The following HECW1 variants were observed in gnomAD, a reference collection of about 807,000 sequenced individuals.
The protein encoded by HECW1 is HECT, C2 and WW domain containing E3 ubiquitin protein ligase 1.
In HECW1, 61 loss-of-function variants were observed where a neutral mutation model predicts 182.3. The ratio of observed to expected loss-of-function variants is 0.33; its 90% CI spans 0.27 to 0.41. The LOEUF is 0.41. Among genes scored for constraint, HECW1 ranks in the 10% least tolerant of loss-of-function variants. The pLI, the probability that HECW1 is intolerant of heterozygous loss-of-function variation, is 1.00. For missense variants in HECW1, 1,739 were observed against 2,108.9 expected (o/e 0.82, Z 3.44); for synonymous variants, 859 against 832.6 (o/e 1.03, Z -0.55).
chr7:43,306,412 G>A (rs527711254), intron 3 of HECW1, among the ~76,000 whole-genome samples: 1 of 151,124 alleles, frequency 6.6e-6, no homozygotes, highest in East Asian at 1.9e-4. Flanking sequence ...TACCCACCTG[G>A]TGGCGTAACA....
chr7:43,540,790 C>T (rs980529722), intron 24 of HECW1, among the ~76,000 whole-genome samples: 5 of 152,194 alleles, frequency 3.3e-5, no homozygotes, highest in African/African-American at 1.2e-4. Context: ...CCAGAAAGCC[C>T]TCTGTGTCAC....
At chr7:43,548,022 A>G (rs1176171646) in intron 26 of HECW1, among the ~76,000 whole-genome samples, 1 of 152,272 alleles carries the variant, frequency 6.6e-6, no homozygotes, top group Non-Finnish European at 1.5e-5. Flanking sequence ...ATAGTACAGT[A>G]TGTACTACAG....
intron 13 of HECW1, among the ~76,000 whole-genome samples, chr7:43,457,381 A>G (rs773790550): frequency 6.6e-6 from 1 of 152,236 alleles, no homozygotes; most frequent in Non-Finnish European, 1.5e-5. Context: ...AAGAATGAAG[A>G]ACTGGGTTTG....
At chr7:43,267,249 T>C (rs1801902878) in intron 3 of HECW1, among the ~76,000 whole-genome samples, 1 of 152,148 alleles carries the variant, frequency 6.6e-6, no homozygotes, top group African/African-American at 2.4e-5. Context: ...ACATCCTCAA[T>C]AAATTTCAAA....
intron 13 of HECW1, among the ~76,000 whole-genome samples, chr7:43,458,888 A>G (rs1349972814): frequency 6.6e-6 from 1 of 152,248 alleles, no homozygotes; most frequent in Non-Finnish European, 1.5e-5. Context: ...GAGCTGAACC[A>G]GATGATTGTG....
chr7:43,550,363 G>T, intron 26 of HECW1, 82 bp from the exon 27 acceptor site: 1 of 1,499,128 alleles, frequency 6.7e-7, no homozygotes, highest in South Asian at 1.2e-5. Context: ...TTTGGCATAC[G>T]GTCATCCCCC....
intron 2 of HECW1, among the ~76,000 whole-genome samples, chr7:43,152,406 T>G (rs1412558746): frequency 1.3e-5 from 2 of 152,216 alleles, no homozygotes; most frequent in African/African-American, 4.8e-5. Flanking sequence ...AGGCATAAAT[T>G]AATAAAATCG....
chr7:43,221,835 G>A (rs1360834169), intron 2 of HECW1, among the ~76,000 whole-genome samples: 1 of 152,080 alleles, frequency 6.6e-6, no homozygotes, highest in Non-Finnish European at 1.5e-5. Context: ...ATGAGCCACT[G>A]CACCCAGCAG....
chr7:43,501,514 G>A (rs1222735897), intron 21 of HECW1, among the ~76,000 whole-genome samples, 192 bp downstream of exon 21: 1 of 152,062 alleles, frequency 6.6e-6, no homozygotes, highest in Non-Finnish European at 1.5e-5. Context: ...CTAGAATGGG[G>A]TTTACAGTTT....
intron 5 of HECW1, among the ~76,000 whole-genome samples, chr7:43,333,761 G>T (rs932637651): frequency 6.6e-6 from 1 of 152,178 alleles, no homozygotes; most frequent in South Asian, 2.1e-4. Context: ...AAGAGACAGG[G>T]AAATGCGGGC....
At chr7:43,373,714 A>G (rs561700539) in intron 6 of HECW1, among the ~76,000 whole-genome samples, 58 of 152,292 alleles carry the variant, frequency 3.8e-4, no homozygotes, top group African/African-American at 1.4e-3. Context: ...CACGTTGTCC[A>G]ACCATCATCA....
chr7:43,167,808 A>C (rs1791276165), intron 2 of HECW1, among the ~76,000 whole-genome samples: 1 of 152,166 alleles, frequency 6.6e-6, no homozygotes, highest in Non-Finnish European at 1.5e-5. Flanking sequence ...TTTAATTCTT[A>C]AACAGTACTA....
intron 13 of HECW1, among the ~76,000 whole-genome samples, chr7:43,456,809 A>G (rs2077417845): frequency 6.6e-6 from 1 of 152,196 alleles, no homozygotes; most frequent in African/African-American, 2.4e-5. Context: ...ATACATAGAT[A>G]CACATTTTTC....
chr7:43,456,039 TA>T (rs1486615117), intron 12 of HECW1, among the ~76,000 whole-genome samples: 1 of 151,956 alleles, frequency 6.6e-6, no homozygotes, highest in Non-Finnish European at 1.5e-5. Context: ...AATTTTAACA[TA>T]GGTGTTGATC....
At chr7:43,317,809 T>TTGTGTGTGTG (rs3032881) in intron 4 of HECW1, among the ~76,000 whole-genome samples, 79 of 142,616 alleles carry the variant, frequency 5.5e-4, no homozygotes, top group East Asian at 1.7e-3. Context: ...TTTCTCATTA[T>TTGTGTGTGTG]TGTGTGTGTG....
At chr7:43,423,118 A>G (rs2076248725) in intron 8 of HECW1, among the ~76,000 whole-genome samples, 1 of 152,206 alleles carries the variant, frequency 6.6e-6, no homozygotes, top group Admixed American at 6.5e-5. Flanking sequence ...AAGTAAACAT[A>G]GTGTCATTAG....
At chr7:43,296,794 C>A (rs535510331) in intron 3 of HECW1, among the ~76,000 whole-genome samples, 2 of 152,234 alleles carry the variant, frequency 1.3e-5, no homozygotes. Context: ...GTGCACTTTG[C>A]GGCCTCCACA....
In HECW1 at chr7:43,493,111, T is replaced by C; in HGVS notation, c.3368T>C (p.Leu1123Pro). 2 of 1,613,684 alleles carry C rather than the reference T, an allele frequency of 1.2e-6. No homozygotes were observed. The highest frequency in any genetic ancestry group is 1.7e-6 in the Non-Finnish European group (2 of 1,179,768). Residue 1123 changes from leucine to proline, a missense_variant, in exon 19 of 30, where the codon CTT becomes CCT. Physicochemically the swap from Leu to Pro is moderately conservative, Grantham distance 98. Coordinates refer to ENST00000395891, the MANE Select transcript of HECW1 (RefSeq NM_015052.5). The part of the protein sequence containing the change: ...LAYNDKIVAF[L>P]RQPNIFEMLQ... The stretch of plus-strand genomic sequence containing the variant: ...TATAATGACAAGATTGTGGCATTTC[T>C]TCGCCAGCCAAACATTTTTGAAATG...
rs1020454419 is a variant in HECW1 at position 43,432,857 on chromosome 7, C to T, written c.802-5146C>T. On this transcript the variant is annotated intron_variant, in intron 8 of 29. Coordinates refer to ENST00000395891, the MANE Select transcript of HECW1 (RefSeq NM_015052.5). The surrounding 1 kb of genome is among the most constrained non-coding windows in gnomAD (Gnocchi z 4.1). Reference sequence around the variant, plus strand: ...AATTTATAAAAGTTCTGTTTAGAGGCGATCTACCTCAGATCTTTTCTGAAG... The same window carrying T: ...AATTTATAAAAGTTCTGTTTAGAGGTGATCTACCTCAGATCTTTTCTGAAG... 1.3e-5 allele frequency among the ~76,000 whole-genome samples: 2 copies of T among 152,162 alleles called. No homozygotes were observed. The highest frequency in any genetic ancestry group is 2.4e-5 in the African/African-American group (1 of 41,428).
Sources: allele counts gnomAD v4.1 joint callset (sites outside exome capture counted in the v4.1 genomes callset), GRCh38; gene constraint gnomAD v4.1.1; non-coding constraint Gnocchi (gnomAD v3.1); transcripts MANE v1.5; gene names NCBI Gene and HGNC (gene_info 2026-07-23, HGNC 2026-07-21).